Variants in EPN1 observed in about 807,000 individuals in gnomAD.
EPN1 encodes epsin-1.
In EPN1, 25 loss-of-function variants were observed where a neutral mutation model predicts 56.9. The ratio of observed to expected loss-of-function variants is 0.44; its 90% CI spans 0.32 to 0.61. The LOEUF (loss-of-function observed/expected upper bound fraction) is 0.61. EPN1 is among the 20% of genes least tolerant of loss of function. EPN1 has a pLI of 0.05. For synonymous variants in EPN1, 411 were observed against 361.8 expected (o/e 1.14, Z -1.54); for missense variants, 785 against 823.7 (o/e 0.95, Z 0.58).
chr19:55,677,234 C>A, intron 1 of EPN1: 3 of 1,385,004 alleles, frequency 2.2e-6, no homozygotes, highest in Non-Finnish European at 3.0e-6. Context: ...TGTCCCTGGG[C>A]AAGGGGCTGA....
At chr19:55,686,840 G>T (rs1193923994) in intron 3 of EPN1, among the ~76,000 whole-genome samples, 1 of 151,916 alleles carries the variant, frequency 6.6e-6, no homozygotes, top group East Asian at 1.9e-4. Context: ...GGTTGGGGTG[G>T]ACGGAGGAGG....
At chr19:55,682,592 GTTATT>G (rs1985888289) in intron 2 of EPN1, among the ~76,000 whole-genome samples, 1 of 150,720 alleles carries the variant, frequency 6.6e-6, no homozygotes, top group Admixed American at 6.6e-5. Context: ...CTAATTTTTT[GTTATT>G]TTATTTATTT....
rs1987070813 is a variant in EPN1, at chr19:55,700,080, C to T, written c.*4724C>T. Reference sequence around the variant, plus strand: ...GGACTACAGATGCCCACCACCATGCCCAGCTAATTTTTTTGTATTTTTTTA... The same window carrying T: ...GGACTACAGATGCCCACCACCATGCTCAGCTAATTTTTTTGTATTTTTTTA... On this transcript the variant is annotated 3_prime_UTR_variant, in exon 11 of 11. Coordinates refer to ENST00000270460, the MANE Select transcript of EPN1 (RefSeq NM_001130072.2). The T allele has an allele frequency of 6.6e-6, 1 of 151,702 alleles. No individual in the cohort carries two copies. Among genetic ancestry groups the T allele is most frequent in the Non-Finnish European group, 1.5e-5 (1 of 68,024 alleles). 9.4% of individuals were successfully genotyped at this position (151,702 alleles called of 1,614,324 possible).
intron 9 of EPN1, among the ~76,000 whole-genome samples, chr19:55,693,564 G>A (rs1015322575): frequency 6.6e-6 from 1 of 152,334 alleles, no homozygotes; most frequent in East Asian, 1.9e-4. Context: ...CCCATCTGCT[G>A]AGTCCTGAGT....
chr19:55,708,710 G>A lies in EPN1; in HGVS notation c.*13354G>A, dbSNP rs1987550998. On this transcript the variant is annotated 3_prime_UTR_variant, in exon 11 of 11. Coordinates refer to ENST00000270460, the MANE Select transcript of EPN1 (RefSeq NM_001130072.2). ...GGCAGGATGGGATTTCTAAAGACAA[G>A]GGGATATAGGACCGAGGCAAAGACA... 2.4e-6 allele frequency: 1 copy of A among 414,522 alleles called. No homozygotes were observed. Among genetic ancestry groups the A allele is most frequent in the Admixed American group, 4.1e-5 (1 of 24,170 alleles). The allele number at this position is 414,522 out of a possible 1,614,324, so 25.7% of individuals were successfully genotyped here. A position where few individuals can be genotyped will look rare whatever the true frequency, so the allele number is the denominator to read the frequency against.
At chr19:55,683,425 C>T (rs1214091291) in intron 2 of EPN1, among the ~76,000 whole-genome samples, 1 of 152,128 alleles carries the variant, frequency 6.6e-6, no homozygotes, top group Non-Finnish European at 1.5e-5. Context: ...GCTCTTGGCT[C>T]ACTATCACCT....
Position 55,708,958 on chromosome 19 carries a change from C to G in EPN1, c.*13602C>G, listed in dbSNP as rs1475572180. The stretch of plus-strand genomic sequence containing the variant: ...CTTGTATTCCTCGTCAATCCAAGGT[C>G]CATGTGAAATGGTCAGATGGGGAAT... On this transcript the variant is annotated 3_prime_UTR_variant, in exon 11 of 11. Transcript: ENST00000270460. 3 of 1,587,946 alleles carry G rather than the reference C, an allele frequency of 1.9e-6. No homozygotes were observed. Among genetic ancestry groups the G allele is most frequent in the Non-Finnish European group, 2.6e-6 (3 of 1,170,316 alleles).
intron 1 of EPN1, chr19:55,677,156 T>A: frequency 6.4e-7 from 1 of 1,551,518 alleles, no homozygotes. Context: ...CTCTGTGGCT[T>A]CTTGGAGCCG....
At chr19:55,679,449 T>G (rs8104242) in intron 2 of EPN1, among the ~76,000 whole-genome samples, 3 of 152,060 alleles carry the variant, frequency 2.0e-5, no homozygotes, top group African/African-American at 7.3e-5. Context: ...TCTCCCTCTG[T>G]GAGGGCCCAT....
At chr19:55,678,406 A>G in intron 1 of EPN1, 121 bp from the exon 2 acceptor site, 1 of 1,037,516 alleles carries the variant, frequency 9.6e-7, no homozygotes, top group Non-Finnish European at 1.4e-6. Flanking sequence ...TTACTTTGAG[A>G]CCTAGAGGTT....
Position 55,695,315 on chromosome 19 carries a change from C to G in EPN1, c.1690C>G (p.Pro564Ala). The G allele has an allele frequency of 6.5e-7, 1 of 1,542,874 alleles. No homozygotes were observed. ...CCCTGGCCTGCCCCCCATGATGCCC[C>G]CGGGCCCCCCGGCCCCCAACACTAA... ...GGPGLPPMMP[P>A]GPPAPNTNPF... is the part of the protein sequence containing the mutation. The change falls in exon 11 of 11, where the codon CCG (proline) becomes GCG (alanine). Residue 564 changes from proline to alanine, a missense_variant. Pro to Ala is a conservative substitution (Grantham distance 27, BLOSUM62 -1). Coordinates refer to ENST00000270460, the MANE Select transcript of EPN1 (RefSeq NM_001130072.2). This position sits in a 1 kb window ranked among gnomAD's most constrained non-coding sequence, Gnocchi z 4.4.
In EPN1 at chr19:55,694,871, G is replaced by A. The variant is rs779912333; in HGVS notation, c.1410G>A (p.Thr470=). 1.2e-5 allele frequency: 20 copies of A among 1,604,884 alleles called. No individual in the cohort carries two copies. The highest frequency in any genetic ancestry group is 2.2e-5 in the East Asian group (1 of 44,496). Reference sequence around the variant, plus strand: ...CTCCCACGCCCCCCACCCGGAAGACGCCGGAGTCATTCCTGGGGCCCAATG... The same window carrying A: ...CTCCCACGCCCCCCACCCGGAAGACACCGGAGTCATTCCTGGGGCCCAATG... The part of the protein sequence containing the change: ...TPTPTPPTRK[T]PESFLGPNAA... The change falls in exon 10 of 11, where the codon ACG becomes ACA. Residue 470 remains threonine, a synonymous_variant. Coordinates refer to ENST00000270460, the MANE Select transcript of EPN1 (RefSeq NM_001130072.2). This position sits in a 1 kb window ranked among gnomAD's most constrained non-coding sequence, Gnocchi z 4.2.
At chr19:55,677,740 T>C (rs2122157770) in intron 1 of EPN1, 2 of 1,535,920 alleles carry the variant, frequency 1.3e-6, no homozygotes, top group East Asian at 2.5e-5. Context: ...CCTGGGTTGG[T>C]TCCCTGCTCC....
chr19:55,679,598 C>G (rs950761435), intron 2 of EPN1, among the ~76,000 whole-genome samples: 2 of 152,232 alleles, frequency 1.3e-5, no homozygotes, highest in African/African-American at 4.8e-5. Context: ...CACCCTCATG[C>G]GCTTAGACCT....
In EPN1 at chr19:55,689,028, C is replaced by T; in HGVS notation, c.603+34C>T. 6.4e-7 allele frequency: 1 copy of T among 1,551,166 alleles called. No homozygotes were observed. The highest frequency in any genetic ancestry group is 8.7e-7 in the Non-Finnish European group (1 of 1,151,706). ...CGTGCAGCTGGGGCTGTCTGTCCGCCACCCGCCTCCACGCCTCACTTCAGG... is the reference window on the plus strand; with the variant it reads ...CGTGCAGCTGGGGCTGTCTGTCCGCTACCCGCCTCCACGCCTCACTTCAGG... On this transcript the variant is annotated intron_variant, in intron 4 of 10. Transcript: ENST00000270460. The surrounding 1 kb of genome is among the most constrained non-coding windows in gnomAD (Gnocchi z 5.7).
In EPN1 at chr19:55,707,178, G is replaced by C. The variant is rs1987462943; in HGVS notation, c.*11822G>C. 1 of 146,834 alleles carries C rather than the reference G, an allele frequency of 6.8e-6. No homozygotes were observed. Among genetic ancestry groups the C allele is most frequent in the African/African-American group, 2.6e-5 (1 of 39,120 alleles). 9.1% of individuals were successfully genotyped at this position (146,834 alleles called of 1,614,324 possible). ...CCTGGGCGAGCAACAGAGTGAGGCT[G>C]TCTCTCAAAAAAAAAAAAAAAGGAA... On this transcript the variant is annotated 3_prime_UTR_variant, in exon 11 of 11. Coordinates refer to ENST00000270460, the MANE Select transcript of EPN1 (RefSeq NM_001130072.2).
intron 3 of EPN1, among the ~76,000 whole-genome samples, chr19:55,686,588 G>A (rs1181726378): frequency 1.3e-5 from 2 of 152,120 alleles, no homozygotes; most frequent in East Asian, 1.9e-4. Context: ...TCTCATTTGG[G>A]ATCACCTTTC....
chr19:55,684,677 T>A (rs1003329268), intron 2 of EPN1, among the ~76,000 whole-genome samples: 3 of 152,208 alleles, frequency 2.0e-5, no homozygotes, highest in Admixed American at 1.3e-4. Context: ...GATAAACTAC[T>A]GCTCCAGGCT....
chr19:55,680,500 A>G (rs967534014), intron 2 of EPN1, among the ~76,000 whole-genome samples: 9 of 152,194 alleles, frequency 5.9e-5, no homozygotes, highest in Admixed American at 3.3e-4. Flanking sequence ...CTGGTTCCTC[A>G]TGCTGGGGTG....
Sources: allele counts gnomAD v4.1 joint callset (sites outside exome capture counted in the v4.1 genomes callset), GRCh38; gene constraint gnomAD v4.1.1; non-coding constraint Gnocchi (gnomAD v3.1); transcripts MANE v1.5; gene names NCBI Gene and HGNC (gene_info 2026-07-23, HGNC 2026-07-21).